Variants in ZNF532 observed in about 807,000 individuals in gnomAD.
ZNF532 encodes zinc finger protein 532.
In ZNF532, 22 loss-of-function variants were observed where a neutral mutation model predicts 89.3. That is an observed-to-expected ratio of 0.25 (90% CI 0.18 to 0.35). The LOEUF (loss-of-function observed/expected upper bound fraction) is 0.35, where lower values mean the gene tolerates loss of function less well. Ranked by LOEUF, ZNF532 falls within the 10% of genes least tolerant of loss-of-function variation. The pLI is 1.00. For missense variants in ZNF532, 1,132 were observed against 1,643.4 expected, an observed-to-expected ratio of 0.69 and a Z score of 5.38; for synonymous variants, 606 against 649.6, an observed-to-expected ratio of 0.93 and a Z score of 1.02.
intron 2 of ZNF532, among the ~76,000 whole-genome samples, chr18:58,872,514 T>A (rs1346654752): frequency 6.6e-6 from 1 of 152,176 alleles, no homozygotes; most frequent in East Asian, 1.9e-4. Context: ...GCCCTCTGTT[T>A]TAAAGGACCC....
chr18:58,934,679 G>A, intron 4 of ZNF532, 65 bp downstream of exon 4: 1 of 1,515,542 alleles, frequency 6.6e-7, no homozygotes, highest in Non-Finnish European at 9.0e-7. Context: ...AGCATTTTGA[G>A]TGGTTTGCAC....
chr18:58,954,209 C>A, intron 7 of ZNF532: 1 of 990,368 alleles, frequency 1.0e-6, no homozygotes, highest in Non-Finnish European at 1.2e-6. Flanking sequence ...GTGTGACTTA[C>A]ATGATTCTTC....
At chr18:58,970,920 G>A (rs555691930) in intron 7 of ZNF532, among the ~76,000 whole-genome samples, 1 of 152,344 alleles carries the variant, frequency 6.6e-6, no homozygotes. Context: ...TAGAAAGTTA[G>A]GTAGCCTTCC....
intron 2 of ZNF532, among the ~76,000 whole-genome samples, chr18:58,881,099 CT>C (rs1370839047): frequency 6.6e-6 from 1 of 150,870 alleles, no homozygotes; most frequent in Non-Finnish European, 1.5e-5. Flanking sequence ...CTTCTTTTTT[CT>C]TTTTTTCTTT....
chr18:58,935,849 T>G (rs2062427403), intron 4 of ZNF532, among the ~76,000 whole-genome samples: 1 of 152,192 alleles, frequency 6.6e-6, no homozygotes, highest in African/African-American at 2.4e-5. Flanking sequence ...CAGTGATTTT[T>G]TTTTTCACCT....
chr18:58,885,802 C>T (rs1019454432), intron 2 of ZNF532, among the ~76,000 whole-genome samples: 13 of 150,218 alleles, frequency 8.7e-5, no homozygotes, highest in Non-Finnish European at 1.6e-4. Flanking sequence ...TGCAGTGAGC[C>T]GAAATCGCAT....
At chr18:58,902,311 G>A (rs2059656702) in intron 2 of ZNF532, among the ~76,000 whole-genome samples, 1 of 152,174 alleles carries the variant, frequency 6.6e-6, no homozygotes, top group Non-Finnish European at 1.5e-5. Context: ...AAAAGCAAGA[G>A]TCACAGGGGA....
At chr18:58,888,697 T>TTTTA (rs1555708767) in intron 2 of ZNF532, among the ~76,000 whole-genome samples, 654 of 45,300 alleles carry the variant, frequency 0.014, 30 homozygotes, top group African/African-American at 0.074. Flanking sequence ...AAAAAAAAAA[T>TTTTA]TATATATATA....
intron 5 of ZNF532, among the ~76,000 whole-genome samples, chr18:58,941,621 A>G (rs2146682539): frequency 6.6e-6 from 1 of 151,694 alleles, no homozygotes; most frequent in African/African-American, 2.4e-5. Context: ...CACGCATACC[A>G]CCACGCCTGG....
At chr18:58,875,134 A>G (rs2057323247) in intron 2 of ZNF532, among the ~76,000 whole-genome samples, 2 of 150,850 alleles carry the variant, frequency 1.3e-5, no homozygotes, top group East Asian at 2.1e-4. Flanking sequence ...CATTTTGGCT[A>G]TTTCACCTTT....
At chr18:58,944,453 C>T (rs1276634648) in intron 5 of ZNF532, among the ~76,000 whole-genome samples, 3 of 152,050 alleles carry the variant, frequency 2.0e-5, no homozygotes, top group African/African-American at 7.2e-5. Context: ...TAGGTCCAGA[C>T]TTCCAGGTTT....
intron 2 of ZNF532, among the ~76,000 whole-genome samples, 181 bp downstream of exon 2, chr18:58,865,760 C>A (rs550642361): frequency 2.0e-5 from 3 of 152,094 alleles, no homozygotes; most frequent in Non-Finnish European, 1.5e-5. Context: ...GCGATCAAGG[C>A]GAAATCTGAA....
intron 3 of ZNF532, 150 bp from the exon 4 acceptor site, chr18:58,934,283 T>A (rs951500999): frequency 3.0e-6 from 2 of 673,882 alleles, no homozygotes; most frequent in Non-Finnish European, 5.0e-6. Flanking sequence ...ACATGTAACT[T>A]TCAAGTTGGC....
Position 58,962,986 on chromosome 18 carries a change from C to T in ZNF532, c.3150+9187C>T, listed in dbSNP as rs142825549. Among the ~76,000 whole-genome samples the T allele has an allele frequency of 3.4e-3, 518 of 152,304 alleles. 5 individuals are homozygous for T. Among genetic ancestry groups the T allele is most frequent in the African/African-American group, 0.012 (486 of 41,572 alleles). ...CATACCACCTGGGATCTGCCGCACACCTGCCCTTGCTGCTGATGCTCATTG... is the reference window on the plus strand; with the variant it reads ...CATACCACCTGGGATCTGCCGCACATCTGCCCTTGCTGCTGATGCTCATTG... On this transcript the variant is annotated intron_variant, in intron 7 of 9. Coordinates refer to ENST00000591808, the MANE Select transcript of ZNF532 (RefSeq NM_001375912.1).
chr18:58,921,566 A>AT (rs1034928481), intron 3 of ZNF532, among the ~76,000 whole-genome samples: 1 of 152,220 alleles, frequency 6.6e-6, no homozygotes, highest in African/African-American at 2.4e-5. Flanking sequence ...ATTAAACAGA[A>AT]TACCTTTGTG....
At chr18:58,940,954 A>ACACACACACT (rs1447946417) in intron 5 of ZNF532, among the ~76,000 whole-genome samples, 3 of 141,262 alleles carry the variant, frequency 2.1e-5, no homozygotes, top group Non-Finnish European at 3.2e-5. Flanking sequence ...ACACACACAC[A>ACACACACACT]CACACTCTTT....
At chr18:58,863,599 C>A, upstream of ZNF532, 1 of 11,332 alleles carries the variant, frequency 8.8e-5, no homozygotes, top group South Asian at 1.3e-3. Context: ...ATGACACGCC[C>A]GTAACATGGA....
At chr18:58,942,314 G>A (rs529468740) in intron 5 of ZNF532, among the ~76,000 whole-genome samples, 140 of 93,798 alleles carry the variant, frequency 1.5e-3, no homozygotes, top group African/African-American at 4.1e-3. Context: ...GAGCCACCGC[G>A]CCTGGCCCCT....
At chr18:58,957,869 C>G (rs1387605343) in intron 7 of ZNF532, among the ~76,000 whole-genome samples, 1 of 151,956 alleles carries the variant, frequency 6.6e-6, no homozygotes, top group East Asian at 1.9e-4. Context: ...TTCGAGACCC[C>G]CCCTGGCCAA....
Sources: gnomAD v4.1 joint callset for allele counts (sites outside exome capture counted in the v4.1 genomes callset) on GRCh38, gnomAD v4.1.1 for gene constraint, MANE v1.5 for transcripts, NCBI Gene and HGNC (gene_info 2026-07-23, HGNC 2026-07-21) for gene names.